Variants in POU6F2 observed in about 807,000 individuals in gnomAD.
POU6F2 encodes the protein POU class 6 homeobox 2.
A neutral mutation model predicts 71.3 loss-of-function variants in POU6F2; 31 were observed. The observed-to-expected ratio is 0.43, with a 90% CI of 0.33 to 0.59. POU6F2 has a LOEUF of 0.59. Ranked by LOEUF, POU6F2 falls within the 20% of genes least tolerant of loss-of-function variation. The probability of loss-of-function intolerance (pLI) is 0.04; values close to 1 mark genes in which losing one functional copy is unlikely to be tolerated. For synonymous variants in POU6F2, 347 were observed against 355.7 expected, an observed-to-expected ratio of 0.98 and a Z score of 0.27; for missense variants, 783 against 856.8, an observed-to-expected ratio of 0.91 and a Z score of 1.07.
chr7:39,170,264 G>A (rs1246358353), intron 2 of POU6F2, among the ~76,000 whole-genome samples: 1 of 152,120 alleles, frequency 6.6e-6, no homozygotes, highest in African/African-American at 2.4e-5. Flanking sequence ...TTGCAGATTG[G>A]AGAGTTAGAT....
At chr7:39,299,561 G>T (rs1784914781) in intron 4 of POU6F2, among the ~76,000 whole-genome samples, 1 of 152,192 alleles carries the variant, frequency 6.6e-6, no homozygotes, top group African/African-American at 2.4e-5. Context: ...AAAACTACTT[G>T]TAAATAGGTA....
At chr7:39,068,458 A>T (rs1289480069) in intron 1 of POU6F2, among the ~76,000 whole-genome samples, 1 of 148,682 alleles carries the variant, frequency 6.7e-6, no homozygotes, top group Non-Finnish European at 1.5e-5. Context: ...ACCAAGAAAG[A>T]TAACAGAGAT....
intron 5 of POU6F2, among the ~76,000 whole-genome samples, chr7:39,352,641 G>A (rs1786160958): frequency 6.6e-6 from 1 of 152,158 alleles, no homozygotes; most frequent in African/African-American, 2.4e-5. Flanking sequence ...ATACTCCAGT[G>A]ATATGTTTGT....
At chr7:39,057,612 T>C (rs1790559380) in intron 1 of POU6F2, among the ~76,000 whole-genome samples, 1 of 152,180 alleles carries the variant, frequency 6.6e-6, no homozygotes, top group African/African-American at 2.4e-5. Flanking sequence ...TTTCCTTTTT[T>C]ATTTCTTCCA....
chr7:39,369,967 C>T (rs968266935), intron 5 of POU6F2, among the ~76,000 whole-genome samples: 3 of 152,100 alleles, frequency 2.0e-5, no homozygotes, highest in South Asian at 2.1e-4. Context: ...GTACTGCCAC[C>T]GCACCCAGCC....
At chr7:39,435,620 C>T (rs1444446521) in intron 7 of POU6F2, among the ~76,000 whole-genome samples, 2 of 152,266 alleles carry the variant, frequency 1.3e-5, no homozygotes, top group African/African-American at 2.4e-5. Context: ...TGTGCAGAAG[C>T]TCTTTAGTTT....
At chr7:39,401,489 C>T (rs942316403) in intron 5 of POU6F2, among the ~76,000 whole-genome samples, 1 of 152,208 alleles carries the variant, frequency 6.6e-6, no homozygotes, top group African/African-American at 2.4e-5. Flanking sequence ...AATATGGTCA[C>T]TCTTCCAGTA....
chr7:39,154,430 C>T (rs538359030), intron 2 of POU6F2, among the ~76,000 whole-genome samples: 2 of 152,178 alleles, frequency 1.3e-5, no homozygotes, highest in Non-Finnish European at 2.9e-5. Flanking sequence ...GTTACTAGCA[C>T]AGCAAGTGCT....
At chr7:39,154,906 G>A (rs1352351650) in intron 2 of POU6F2, among the ~76,000 whole-genome samples, 2 of 152,128 alleles carry the variant, frequency 1.3e-5, no homozygotes, top group Admixed American at 6.5e-5. Context: ...TAGTAAAATA[G>A]TTCAACATGT....
At chr7:39,086,107 T>A in intron 2 of POU6F2, 76 bp downstream of exon 2, 1 of 1,142,546 alleles carries the variant, frequency 8.8e-7, no homozygotes, top group Non-Finnish European at 1.1e-6. Flanking sequence ...CAACCCCCCC[T>A]TTTTTTCTGT....
chr7:39,038,210 G>A (rs1790107732), intron 1 of POU6F2, among the ~76,000 whole-genome samples: 2 of 151,930 alleles, frequency 1.3e-5, no homozygotes, highest in Non-Finnish European at 2.9e-5. Context: ...CCACCAAGAT[G>A]AGGATACAAG....
At chr7:39,141,106 A>G (rs937209586) in intron 2 of POU6F2, among the ~76,000 whole-genome samples, 10 of 152,160 alleles carry the variant, frequency 6.6e-5, no homozygotes, top group African/African-American at 1.2e-4. Flanking sequence ...CTAAACCTCA[A>G]TGTCAAACAT....
Position 39,022,962 on chromosome 7 carries a change from A to G in POU6F2, c.105+44904A>G, listed in dbSNP as rs147413273. On this transcript the variant is annotated intron_variant, in intron 1 of 9. Coordinates refer to ENST00000518318, the MANE Select transcript of POU6F2 (RefSeq NM_001370959.1). ...TGTACCATTTTACACACTCAACAGT[A>G]GTGTATGAGAGTCTACTTGCTCCAT... Among the ~76,000 whole-genome samples, 351 of 152,198 alleles carry G rather than the reference A, an allele frequency of 2.3e-3. 1 individual carries two copies. Among genetic ancestry groups the G allele is most frequent in the African/African-American group, 8.0e-3 (333 of 41,560 alleles).
At chr7:39,167,544 G>A (rs764953086) in intron 2 of POU6F2, among the ~76,000 whole-genome samples, 1 of 152,050 alleles carries the variant, frequency 6.6e-6, no homozygotes, top group Admixed American at 6.6e-5. Context: ...GAATTCCTGG[G>A]TATCATGCAT....
intron 6 of POU6F2, among the ~76,000 whole-genome samples, chr7:39,413,065 A>G (rs549394509): frequency 7.2e-4 from 109 of 151,474 alleles, no homozygotes; most frequent in Admixed American, 9.2e-4. Context: ...CGGCCCCCCA[A>G]AGTGCTGGGA....
chr7:39,441,800 G>C (rs902022474), intron 7 of POU6F2, among the ~76,000 whole-genome samples: 2 of 152,142 alleles, frequency 1.3e-5, no homozygotes, highest in South Asian at 2.1e-4. Flanking sequence ...GCAAGGCTAA[G>C]ACCCAGAGTT....
At chr7:39,018,222 C>G (rs551138786) in intron 1 of POU6F2, among the ~76,000 whole-genome samples, 1 of 152,274 alleles carries the variant, frequency 6.6e-6, no homozygotes, top group South Asian at 2.1e-4. Flanking sequence ...AAACTTCTAT[C>G]AGGGCCATGT....
At chr7:39,362,950 C>T (rs1451669020) in intron 5 of POU6F2, among the ~76,000 whole-genome samples, 1 of 152,106 alleles carries the variant, frequency 6.6e-6, no homozygotes, top group Non-Finnish European at 1.5e-5. Context: ...GACAGAGAGG[C>T]AGGAGATGGG....
intron 2 of POU6F2, among the ~76,000 whole-genome samples, chr7:39,113,221 TC>T (rs1346397491): frequency 2.0e-5 from 3 of 152,200 alleles, no homozygotes; most frequent in Non-Finnish European, 2.9e-5. Flanking sequence ...TCTGTTTTTT[TC>T]GTTCTGTTTT....
Sources: allele counts gnomAD v4.1 joint callset (sites outside exome capture counted in the v4.1 genomes callset), GRCh38; gene constraint gnomAD v4.1.1; transcripts MANE v1.5; gene names NCBI Gene and HGNC (gene_info 2026-07-23, HGNC 2026-07-21).